The following PCDHGB2 variants were observed in gnomAD, a reference collection of about 807,000 sequenced individuals.
PCDHGB2 encodes the protein protocadherin gamma subfamily B, 2, also known as protocadherin gamma-B2.
A neutral mutation model predicts 59.3 loss-of-function variants in PCDHGB2; 55 were observed. That is an observed-to-expected ratio of 0.93 (90% CI 0.75 to 1.16). PCDHGB2 has a LOEUF of 1.16. PCDHGB2 is among the 50% of genes most tolerant of loss of function. The probability of loss-of-function intolerance (pLI) is 0.00; values close to 1 mark genes in which losing one functional copy is unlikely to be tolerated. For missense variants in PCDHGB2, 1,228 were observed against 1,198.5 expected (o/e 1.02, Z -0.36); for synonymous variants, 516 against 512.0 (o/e 1.01, Z -0.11).
At chr5:141,408,834 T>G in intron 1 of PCDHGB2, 1 of 1,613,696 alleles carries the variant, frequency 6.2e-7, no homozygotes, top group Non-Finnish European at 8.5e-7. Context: ...CATAGCTTGA[T>G]ATTGACTGCC....
Position 141,489,779 on chromosome 5 carries a change from T to C in PCDHGB2, c.2422-5028T>C, listed in dbSNP as rs1269302289. 1.9e-6 allele frequency: 3 copies of C among 1,614,168 alleles called. No homozygotes were observed. Among genetic ancestry groups the C allele is most frequent in the Non-Finnish European group, 2.5e-6 (3 of 1,179,996 alleles). On this transcript the variant is annotated intron_variant, in intron 1 of 3. Coordinates refer to ENST00000522605, the MANE Select transcript of PCDHGB2 (RefSeq NM_018923.3). The surrounding 1 kb of genome is among the most constrained non-coding windows in gnomAD (Gnocchi z 4.5). ...CTAAGCCCCAACAGCCACTTCTCTC[T>C]GAATGTGAAGACCCTAAAAGATGGG...
intron 1 of PCDHGB2, among the ~76,000 whole-genome samples, chr5:141,483,630 G>A (rs2099583876): frequency 6.7e-6 from 1 of 149,714 alleles, no homozygotes; most frequent in African/African-American, 2.5e-5. Flanking sequence ...ATGGGAGAAG[G>A]TATAGAGGGG....
rs750036800 is a variant in PCDHGB2, at chr5:141,419,495, G to A, written c.2421+56939G>A. On this transcript the variant is annotated intron_variant, in intron 1 of 3. Coordinates refer to ENST00000522605, the MANE Select transcript of PCDHGB2 (RefSeq NM_018923.3). ...GGGCTCGCCCGCGCTCAGCGCCAAT[G>A]TGAGCCTGCGCGTGTTGGTGGGCGA... The A allele has an allele frequency of 5.0e-6, 8 of 1,612,432 alleles. No individual in the cohort carries two copies. The Admixed American group carries it at 1.3e-4, about 27-fold the overall frequency.
rs200109132 is a variant in PCDHGB2 at position 141,365,789 on chromosome 5, G to T, written c.2421+3233G>T. The T allele has an allele frequency of 1.4e-3, 2,225 of 1,613,896 alleles. 4 individuals carry two copies. Among genetic ancestry groups the T allele is most frequent in the Non-Finnish European group, 1.6e-3 (1,930 of 1,179,890 alleles). On this transcript the variant is annotated intron_variant, in intron 1 of 3. Transcript: ENST00000522605. ...CCCCGACAGCGGCGACAACGCTCGA[G>T]TCACCTACTCCCTGGCTGAAGACAC...
chr5:141,491,800 C>T lies in PCDHGB2; in HGVS notation c.2422-3007C>T. The T allele has an allele frequency of 6.7e-7, 1 of 1,500,854 alleles. No individual in the cohort carries two copies. Among genetic ancestry groups the T allele is most frequent in the Non-Finnish European group, 8.9e-7 (1 of 1,125,316 alleles). 93.0% of individuals were successfully genotyped at this position (1,500,854 alleles called of 1,614,324 possible). A position where few individuals can be genotyped will look rare whatever the true frequency, so the allele number is the denominator to read the frequency against. Reference sequence around the variant, plus strand: ...GAACTTGCATCCACTCCTCTCCGGCCGGCTTGGTCGCTGGCTGCGCTCCAC... The same window carrying T: ...GAACTTGCATCCACTCCTCTCCGGCTGGCTTGGTCGCTGGCTGCGCTCCAC... On this transcript the variant is annotated intron_variant, in intron 1 of 3. Transcript: ENST00000522605. The surrounding 1 kb of genome is among the most constrained non-coding windows in gnomAD (Gnocchi z 6.9).
chr5:141,466,812 G>T (rs1394979761), intron 1 of PCDHGB2, among the ~76,000 whole-genome samples: 1 of 151,940 alleles, frequency 6.6e-6, no homozygotes, highest in African/African-American at 2.4e-5. Flanking sequence ...ATTCAGACAT[G>T]GTATAACAAG....
chr5:141,389,137 T>C, intron 1 of PCDHGB2: 1 of 1,614,020 alleles, frequency 6.2e-7, no homozygotes. Flanking sequence ...GAGTACAATA[T>C]AACCGTTACG....
At position 141,360,700 on chromosome 5, in the gene PCDHGB2, C is replaced by G. The variant is rs532971055; in HGVS notation, c.565C>G (p.Arg189Gly). 6.2e-7 allele frequency: 1 copy of G among 1,613,916 alleles called. No individual in the cohort carries two copies. Among genetic ancestry groups the G allele is most frequent in the East Asian group, 2.2e-5 (1 of 44,876 alleles). The change falls in exon 1 of 4, where the codon CGT (arginine) becomes GGT (glycine). Residue 189 changes from arginine (R) to glycine (G), a missense_variant. Coordinates refer to ENST00000522605, the MANE Select transcript of PCDHGB2 (RefSeq NM_018923.3). ...DLAEKQTPDG[R>G]KYPELILKHS... ...CGCTGAGAAACAGACTCCAGATGGTCGTAAATATCCTGAGTTGATTCTAAA... is the reference window on the plus strand; with the variant it reads ...CGCTGAGAAACAGACTCCAGATGGTGGTAAATATCCTGAGTTGATTCTAAA...
chr5:141,372,041 C>A (rs779511565), intron 1 of PCDHGB2: 1 of 1,613,374 alleles, frequency 6.2e-7, no homozygotes, highest in Non-Finnish European at 8.5e-7. Flanking sequence ...TGAGCCTGCG[C>A]GTGTTGGTGG....
At chr5:141,365,842 T>C in intron 1 of PCDHGB2, 4 of 1,613,964 alleles carry the variant, frequency 2.5e-6, no homozygotes, top group Non-Finnish European at 3.4e-6. Context: ...TGTCCTCCTA[T>C]GTATCCATTA....
Position 141,361,473 on chromosome 5 carries a change from C to G in PCDHGB2, c.1338C>G (p.Asn446Lys), listed in dbSNP as rs374176708. ...TCACCCTGCACATCTCCGACGTCAA[C>G]GATAATGCCCCAGTTTTCCAACAGA... ...IIVTLHISDV[N>K]DNAPVFQQTS... The change falls in exon 1 of 4, where the codon AAC becomes AAG. Residue 446 changes from asparagine to lysine, a missense_variant. Around this residue, in one of 3 missense-constraint regions of PCDHGB2, gnomAD observed 781 missense variants for 721.6 expected, o/e 1.08. Transcript: ENST00000522605. 2 of 1,614,024 alleles carry G rather than the reference C, an allele frequency of 1.2e-6. No individual in the cohort carries two copies. The highest frequency in any genetic ancestry group is 1.7e-6 in the Non-Finnish European group (2 of 1,179,886).
At chr5:141,453,807 A>G (rs752553367) in intron 1 of PCDHGB2, among the ~76,000 whole-genome samples, 3 of 152,250 alleles carry the variant, frequency 2.0e-5, no homozygotes, top group Non-Finnish European at 4.4e-5. Flanking sequence ...GAGTAGTTCC[A>G]TAAAGGACAA....
chr5:141,374,169 C>A, intron 1 of PCDHGB2: 1 of 1,613,236 alleles, frequency 6.2e-7, no homozygotes, highest in African/African-American at 1.3e-5. Context: ...GCCGCGGCAG[C>A]GCAGATCCGC....
chr5:141,431,325 G>C lies in PCDHGB2; in HGVS notation c.2422-63482G>C, dbSNP rs772252181. On this transcript the variant is annotated intron_variant, in intron 1 of 3. Coordinates refer to ENST00000522605, the MANE Select transcript of PCDHGB2 (RefSeq NM_018923.3). The surrounding 1 kb of genome is among the most constrained non-coding windows in gnomAD (Gnocchi z 4.8). Reference sequence around the variant, plus strand: ...ATCGTGCAAAATGGAGCCGACGGTAGTAAGTACCCCGAATTGGTGCTGAAA... The same window carrying C: ...ATCGTGCAAAATGGAGCCGACGGTACTAAGTACCCCGAATTGGTGCTGAAA... 4.3e-6 allele frequency: 7 copies of C among 1,614,144 alleles called. No individual in the cohort carries two copies. In the Admixed American group the frequency reaches 8.3e-5, roughly 19 times the overall value.
intron 1 of PCDHGB2, chr5:141,423,658 CA>C: frequency 6.4e-7 from 1 of 1,571,150 alleles, no homozygotes; most frequent in Non-Finnish European, 8.6e-7. Flanking sequence ...GACAAGTAAT[CA>C]GGTGAGATTT....
At chr5:141,412,434 A>C (rs2095556498) in intron 1 of PCDHGB2, 1 of 152,240 alleles carries the variant, frequency 6.6e-6, no homozygotes, top group Admixed American at 6.5e-5. Flanking sequence ...CAAAAAGGTT[A>C]ATTAAGGCTC....
chr5:141,429,751 A>AT (rs2097241304), intron 1 of PCDHGB2, among the ~76,000 whole-genome samples: 1 of 152,110 alleles, frequency 6.6e-6, no homozygotes, highest in African/African-American at 2.4e-5. Flanking sequence ...CTTAGGGAGA[A>AT]TTTTTTCCCT....
intron 1 of PCDHGB2, chr5:141,383,281 G>C: frequency 6.2e-7 from 1 of 1,613,922 alleles, no homozygotes; most frequent in Non-Finnish European, 8.5e-7. Context: ...AGATATTAAT[G>C]ACAACGTTCC....
In PCDHGB2 at chr5:141,477,772, C is replaced by G. The variant is rs760319541; in HGVS notation, c.2422-17035C>G. The G allele has an allele frequency of 1.5e-5, 25 of 1,613,908 alleles. No homozygotes were observed. Among genetic ancestry groups the G allele is most frequent in the Non-Finnish European group, 2.1e-5 (25 of 1,180,042 alleles). On this transcript the variant is annotated intron_variant, in intron 1 of 3. Coordinates refer to ENST00000522605, the MANE Select transcript of PCDHGB2 (RefSeq NM_018923.3). This position sits in a 1 kb window ranked among gnomAD's most constrained non-coding sequence, Gnocchi z 4.9. Reference sequence around the variant, plus strand: ...CCCCGGTCCTAGCCACCAACATCAGCGTGAACATATTTGTCACTGATCGCA... The same window carrying G: ...CCCCGGTCCTAGCCACCAACATCAGGGTGAACATATTTGTCACTGATCGCA...
Sources: gnomAD v4.1 joint callset for allele counts (sites outside exome capture counted in the v4.1 genomes callset) on GRCh38, gnomAD v4.1.1 for gene constraint, gnomAD v4.1.1 regional missense constraint, Gnocchi (gnomAD v3.1) non-coding constraint, MANE v1.5 for transcripts, NCBI Gene and HGNC (gene_info 2026-07-23, HGNC 2026-07-21) for gene names.